The following ARHGEF12 variants were observed in gnomAD, a reference collection of about 807,000 sequenced individuals.
ARHGEF12 encodes KMT2A/ARHGEF12 fusion protein.
In ARHGEF12, 66 loss-of-function variants were observed where a neutral mutation model predicts 211.2. That is an observed-to-expected ratio of 0.31 (90% CI 0.26 to 0.38). The LOEUF is 0.38. Among genes scored for constraint, ARHGEF12 ranks in the 10% least tolerant of loss-of-function variants. The pLI is 1.00. For missense variants in ARHGEF12, 1,429 were observed against 1,869.5 expected, an observed-to-expected ratio of 0.76 and a Z score of 4.34; for synonymous variants, 592 against 638.4, an observed-to-expected ratio of 0.93 and a Z score of 1.09.
chr11:120,479,438 A>T (rs901272246), intron 37 of ARHGEF12, among the ~76,000 whole-genome samples: 8 of 152,256 alleles, frequency 5.3e-5, no homozygotes, highest in African/African-American at 1.7e-4. Flanking sequence ...ACCTCATAGC[A>T]TACACTTGGC....
intron 1 of ARHGEF12, among the ~76,000 whole-genome samples, chr11:120,343,368 T>G (rs1170868403): frequency 6.6e-6 from 1 of 152,204 alleles, no homozygotes; most frequent in African/African-American, 2.4e-5. Context: ...TTTTTCAACT[T>G]AGAATATCTG....
chr11:120,489,817 A>C lies in ARHGEF12; in HGVS notation c.*4740A>C, dbSNP rs1409911431. On this transcript the variant is annotated 3_prime_UTR_variant, in exon 41 of 41. Transcript: ENST00000397843. ...TACAAACATATATCTATATCTATAT[A>C]TATAGATACAGATACAGATACATAT... The C allele has an allele frequency of 1.1e-5, 2 of 187,442 alleles. No individual in the cohort carries two copies. The highest frequency in any genetic ancestry group is 6.2e-5 in the Admixed American group (1 of 16,114). 11.6% of individuals were successfully genotyped at this position (187,442 alleles called of 1,614,324 possible). A position where few individuals can be genotyped will look rare whatever the true frequency, so the allele number is the denominator to read the frequency against.
At chr11:120,406,684 G>A (rs1033698565) in intron 2 of ARHGEF12, among the ~76,000 whole-genome samples, 11 of 151,992 alleles carry the variant, frequency 7.2e-5, no homozygotes, top group Admixed American at 5.2e-4. Flanking sequence ...TCAGCCTCCC[G>A]AGTAGCTGGG....
Position 120,457,267 on chromosome 11 carries a change from TTAG to T in ARHGEF12, c.2189+18_2189+20del. The T allele has an allele frequency of 2.5e-6, 4 of 1,612,762 alleles. No homozygotes were observed. The highest frequency in any genetic ancestry group is 3.4e-6 in the Non-Finnish European group (4 of 1,179,134). ...AGTAGAAAGGTAATTCAGTGATCTCTTAGAGAAGCTTAGGGCATTACTTAAAGT... is the reference window on the plus strand; with the variant it reads ...AGTAGAAAGGTAATTCAGTGATCTCTAGAAGCTTAGGGCATTACTTAAAGT... On this transcript the variant is annotated intron_variant, in intron 23 of 40. Coordinates refer to ENST00000397843, the MANE Select transcript of ARHGEF12 (RefSeq NM_015313.3).
chr11:120,411,362 T>C (rs1230070145), intron 4 of ARHGEF12: 1 of 152,092 alleles, frequency 6.6e-6, no homozygotes, highest in Non-Finnish European at 1.5e-5. Context: ...TACGTACAGT[T>C]AGCATAGATG....
At chr11:120,463,665 G>A (rs1476190021) in intron 27 of ARHGEF12, 2 of 151,972 alleles carry the variant, frequency 1.3e-5, no homozygotes, top group Non-Finnish European at 2.9e-5. Flanking sequence ...AATGCTGCCA[G>A]TCTCCTTGTT....
chr11:120,347,270 C>CTG (rs55651421), intron 1 of ARHGEF12, among the ~76,000 whole-genome samples: 19,176 of 79,680 alleles, frequency 0.24, 1,624 homozygotes, highest in Admixed American at 0.41. Flanking sequence ...CTCTCTCTGT[C>CTG]TGTGTGTGTG....
intron 4 of ARHGEF12, among the ~76,000 whole-genome samples, chr11:120,416,855 T>C (rs1945042836): frequency 6.6e-6 from 1 of 152,204 alleles, no homozygotes; most frequent in African/African-American, 2.4e-5. Context: ...TTTCACCATG[T>C]TGGCCAGGAT....
chr11:120,411,473 C>T (rs1944878284), intron 4 of ARHGEF12: 2 of 149,652 alleles, frequency 1.3e-5, no homozygotes, highest in South Asian at 4.3e-4. Context: ...TATAAGCCCA[C>T]TTCAAACTTT....
intron 38 of ARHGEF12, 41 bp from the exon 39 acceptor site, chr11:120,481,219 G>C: frequency 6.4e-7 from 1 of 1,564,704 alleles, no homozygotes; most frequent in African/African-American, 1.4e-5. Context: ...TTTTCTAATG[G>C]CAGCACTGGT....
Position 120,409,430 on chromosome 11 carries a change from A to G in ARHGEF12, c.179A>G (p.Glu60Gly). ...AAGAAGACAAAGTCTAGTTCAGAGG[A>G]GAGTAGATCCGAGATATATGGTAAG... Reference protein sequence around the residue: ...SSKKTKSSSEESRSEIYGLVQ... With the variant: ...SSKKTKSSSEGSRSEIYGLVQ... The change falls in exon 4 of 41, where the codon GAG becomes GGG. Residue 60 changes from glutamate (E) to glycine (G), a missense_variant. Physicochemically the swap from Glu to Gly is moderately conservative, Grantham distance 98. Transcript: ENST00000397843. The G allele has an allele frequency of 6.2e-7, 1 of 1,613,798 alleles. No homozygotes were observed. Among genetic ancestry groups the G allele is most frequent in the Non-Finnish European group, 8.5e-7 (1 of 1,179,860 alleles).
rs185166241 is a variant in ARHGEF12 at position 120,441,709 on chromosome 11, C to G, written c.1095C>G (p.Ile365Met). 7.1e-5 allele frequency: 114 copies of G among 1,612,710 alleles called. 2 individuals are homozygous for G. In the East Asian group the frequency reaches 2.2e-3, roughly 32 times the overall value. Residue 365 changes from isoleucine to methionine, a missense_variant and splice_region_variant, in exon 14 of 41, where the codon ATC becomes ATG. Around this residue, in one of 7 missense-constraint regions of ARHGEF12, gnomAD observed 254 missense variants for 286.4 expected, o/e 0.89. Coordinates refer to ENST00000397843, the MANE Select transcript of ARHGEF12 (RefSeq NM_015313.3). ...TGCATAATCATTTCTTCCTCTAGAT[C>G]AATGGACAGTGCAGCTGTTTCCAGA... ...DDDFGTEHEQ[I>M]NGQCSCFQSI...
At chr11:120,365,722 A>G (rs183135546) in intron 1 of ARHGEF12, 147 of 152,314 alleles carry the variant, frequency 9.7e-4, no homozygotes, top group African/African-American at 3.3e-3. Flanking sequence ...GCCAGTTGAT[A>G]GACCTGGTTG....
Position 120,478,326 on chromosome 11 carries a change from G to C in ARHGEF12, c.3703G>C (p.Ala1235Pro). 6.2e-7 allele frequency: 1 copy of C among 1,614,112 alleles called. No homozygotes were observed. Among genetic ancestry groups the C allele is most frequent in the Non-Finnish European group, 8.5e-7 (1 of 1,180,018 alleles). ...GGAAGTTGGAGAAGATTATCAAATC[G>C]CAATCCCAGATTCACACCTGCCTGT... ...LKEVGEDYQI[A>P]IPDSHLPVSE... The change falls in exon 37 of 41, where the codon GCA (alanine) becomes CCA (proline). Residue 1235 changes from alanine to proline, a missense_variant. Physicochemically the swap from Ala to Pro is conservative, Grantham distance 27. Transcript: ENST00000397843.
intron 9 of ARHGEF12, 39 bp from the exon 10 acceptor site, chr11:120,429,673 T>A (rs1591580885): frequency 1.3e-6 from 2 of 1,586,844 alleles, no homozygotes; most frequent in East Asian, 4.6e-5. Flanking sequence ...CTTTTTTACA[T>A]AAGTAATTAA....
At chr11:120,367,125 G>A (rs1320592764) in intron 1 of ARHGEF12, among the ~76,000 whole-genome samples, 6 of 152,066 alleles carry the variant, frequency 3.9e-5, no homozygotes, top group African/African-American at 1.4e-4. Flanking sequence ...GATTCTTTTG[G>A]TGCTTGCTTA....
intron 1 of ARHGEF12, among the ~76,000 whole-genome samples, chr11:120,340,723 C>G (rs527499802): frequency 6.6e-6 from 1 of 152,106 alleles, no homozygotes; most frequent in East Asian, 1.9e-4. Flanking sequence ...TCCATAAATA[C>G]AAAATTGAAA....
intron 1 of ARHGEF12, among the ~76,000 whole-genome samples, chr11:120,386,995 A>G (rs1944053074): frequency 6.6e-6 from 1 of 152,060 alleles, no homozygotes; most frequent in South Asian, 2.1e-4. Context: ...TAGTGATGCC[A>G]TGAGTGAAAA....
Position 120,486,032 on chromosome 11 carries a change from A to G in ARHGEF12, c.*955A>G, listed in dbSNP as rs1947388764. On this transcript the variant is annotated 3_prime_UTR_variant, in exon 41 of 41. Transcript: ENST00000397843. Reference sequence around the variant, plus strand: ...TGTCCCTGCAGATTGAGCAGGAAGTAAAAACAAATGGAAATGCTTCGGATA... The same window carrying G: ...TGTCCCTGCAGATTGAGCAGGAAGTGAAAACAAATGGAAATGCTTCGGATA... 4.3e-6 allele frequency: 1 copy of G among 233,456 alleles called. No individual in the cohort carries two copies. Among genetic ancestry groups the G allele is most frequent in the South Asian group, 1.8e-4 (1 of 5,526 alleles). 14.5% of individuals were successfully genotyped at this position (233,456 alleles called of 1,614,324 possible). A position where few individuals can be genotyped will look rare whatever the true frequency, so the allele number is the denominator to read the frequency against.
Sources: allele counts gnomAD v4.1 joint callset (sites outside exome capture counted in the v4.1 genomes callset), GRCh38; gene constraint gnomAD v4.1.1; regional missense constraint gnomAD v4.1.1; transcripts MANE v1.5; gene names NCBI Gene and HGNC (gene_info 2026-07-23, HGNC 2026-07-21).